The following SUSD1 variants were observed in gnomAD, a reference collection of about 807,000 sequenced individuals.
The protein encoded by SUSD1 is sushi domain containing 1.
SUSD1 carries 65 observed loss-of-function variants against 86.9 expected under a neutral mutation model. The observed-to-expected ratio is 0.75, with a 90% CI of 0.61 to 0.92. The LOEUF is 0.92. Among genes scored for constraint, SUSD1 ranks in the 40% least tolerant of loss-of-function variants. SUSD1 has a pLI of 0.00. For synonymous variants in SUSD1, 346 were observed against 350.0 expected, an observed-to-expected ratio of 0.99 and a Z score of 0.13; for missense variants, 850 against 929.7, an observed-to-expected ratio of 0.91 and a Z score of 1.11.
rs1029468846 is a variant in SUSD1 at position 112,152,357 on chromosome 9, A to AT, written c.218-2959dup. 1.7e-4 allele frequency among the ~76,000 whole-genome samples: 25 copies of AT among 151,306 alleles called. No homozygotes were observed. The East Asian group carries it at 2.1e-3, about 13-fold the overall frequency. On this transcript the variant is annotated intron_variant, in intron 2 of 16. Transcript: ENST00000374270. ...AACACATTCTACAGCTGTACGAAGA[A>AT]TTTTTTTTTGTTTCTTTATATGAAA... is the stretch of plus-strand genomic sequence containing the variant.
At chr9:112,150,179 C>T (rs1268411289) in intron 2 of SUSD1, among the ~76,000 whole-genome samples, 1 of 152,190 alleles carries the variant, frequency 6.6e-6, no homozygotes, top group African/African-American at 2.4e-5. Flanking sequence ...GGTAAACTAC[C>T]AAGCAATGCT....
chr9:112,105,164 G>C (rs544256691), intron 8 of SUSD1, among the ~76,000 whole-genome samples: 7 of 152,212 alleles, frequency 4.6e-5, no homozygotes, highest in African/African-American at 1.4e-4. Flanking sequence ...AAATGGTAAA[G>C]ATAGGAAATG....
rs758842887 is a variant in SUSD1 at position 112,112,774 on chromosome 9, A to C, written c.981T>G (p.Tyr327Ter). The change falls in exon 7 of 17, where the codon TAT becomes TAG. Residue 327 changes from tyrosine to a stop codon, truncating the protein, a stop_gained. Transcript: ENST00000374270. LOFTEE classifies it high-confidence loss of function. ...AAAAGTAGATCACTTTACTTACCACATATGAGATCTTGGGGTTTATTCTTC... is the reference window on the plus strand; with the variant it reads ...AAAAGTAGATCACTTTACTTACCACCTATGAGATCTTGGGGTTTATTCTTC... ...NSRRINPKIS[Y>*]VISIKGQRLD... is the part of the protein sequence containing the mutation. 3.7e-6 allele frequency: 6 copies of C among 1,607,758 alleles called. No homozygotes were observed. The African/African-American group carries it at 8.0e-5, about 21-fold the overall frequency.
intron 10 of SUSD1, among the ~76,000 whole-genome samples, chr9:112,097,348 C>T (rs969353160): frequency 6.6e-6 from 1 of 151,426 alleles, no homozygotes; most frequent in Non-Finnish European, 1.5e-5. Flanking sequence ...TAATTTTCAG[C>T]CTCAGGTGCT....
intron 8 of SUSD1, among the ~76,000 whole-genome samples, chr9:112,108,107 A>G (rs1275809274): frequency 6.6e-6 from 1 of 152,244 alleles, no homozygotes; most frequent in Non-Finnish European, 1.5e-5. Flanking sequence ...CTACCACTGT[A>G]TACAATGCTT....
rs201142582 is a variant in SUSD1 at position 112,111,706 on chromosome 9, G to A, written c.1119C>T (p.Ser373=). ...GCATCGAGCGCCTGGGAGGTGCTGT[G>A]GAGATGTTCACGGTGTAGTTGGTGC... is the stretch of plus-strand genomic sequence containing the variant. ...YPGTNYTVNI[S]TAPPRRSMPA... The change falls in exon 8 of 17, where the codon TCC becomes TCT. Residue 373 remains serine, a synonymous_variant. Transcript: ENST00000374270. 204 of 1,614,162 alleles carry A rather than the reference G, an allele frequency of 1.3e-4. No individual in the cohort carries two copies. In the Admixed American group the frequency reaches 1.3e-3, roughly 10 times the overall value.
At chr9:112,130,378 T>C (rs1388098716) in intron 5 of SUSD1, among the ~76,000 whole-genome samples, 2 of 98,214 alleles carry the variant, frequency 2.0e-5, no homozygotes, top group Admixed American at 1.3e-4. Flanking sequence ...ATCTCAAAAA[T>C]AAAAGAAGGG....
intron 10 of SUSD1, among the ~76,000 whole-genome samples, chr9:112,081,387 C>T (rs1283303260): frequency 6.6e-6 from 1 of 152,196 alleles, no homozygotes; most frequent in African/African-American, 2.4e-5. Flanking sequence ...AAGTCACAAG[C>T]TGTACCTCAA....
intron 2 of SUSD1, among the ~76,000 whole-genome samples, chr9:112,155,431 A>C (rs1198715682): frequency 6.6e-6 from 1 of 152,164 alleles, no homozygotes; most frequent in Non-Finnish European, 1.5e-5. Flanking sequence ...CTCAGACTGC[A>C]GGGTAGCCAA....
At chr9:112,146,427 GAGA>G in intron 3 of SUSD1, among the ~76,000 whole-genome samples, 1 of 152,250 alleles carries the variant, frequency 6.6e-6, no homozygotes, top group Middle Eastern at 3.4e-3. Context: ...TTTTACAAAA[GAGA>G]AGGTCATTCA....
intron 9 of SUSD1, among the ~76,000 whole-genome samples, chr9:112,100,067 T>A (rs1830564181): frequency 6.6e-6 from 1 of 152,260 alleles, no homozygotes; most frequent in Non-Finnish European, 1.5e-5. Flanking sequence ...AGGCATAATG[T>A]GTTCATGCGT....
At chr9:112,138,605 C>T (rs758168399) in intron 5 of SUSD1, among the ~76,000 whole-genome samples, 14 of 151,658 alleles carry the variant, frequency 9.2e-5, no homozygotes, top group Admixed American at 3.3e-4. Flanking sequence ...CACGCCACCA[C>T]GCCCAGGTAA....
At chr9:112,084,570 T>C (rs553389362) in intron 10 of SUSD1, among the ~76,000 whole-genome samples, 1 of 152,266 alleles carries the variant, frequency 6.6e-6, no homozygotes, top group Admixed American at 6.5e-5. Context: ...GGGAGTGACA[T>C]TCTCACTCTA....
rs765467013 is a variant in SUSD1, at chr9:112,175,229, G to A, written c.7C>T (p.Arg3Trp). The A allele has an allele frequency of 1.7e-5, 19 of 1,135,286 alleles. No homozygotes were observed. The African/African-American group carries it at 2.5e-4, about 15-fold the overall frequency. 70.3% of individuals were successfully genotyped at this position (1,135,286 alleles called of 1,614,324 possible). A position where few individuals can be genotyped will look rare whatever the true frequency, so the allele number is the denominator to read the frequency against. The change falls in exon 1 of 17, where the codon CGG (arginine) becomes TGG (tryptophan). Residue 3 changes from arginine (R) to tryptophan (W), a missense_variant. Physicochemically the swap from Arg to Trp is moderately radical, Grantham distance 101. Coordinates refer to ENST00000374270, the MANE Select transcript of SUSD1 (RefSeq NM_022486.5). This position sits in a 1 kb window ranked among gnomAD's most constrained non-coding sequence, Gnocchi z 4.7. ...GACGGGCCCGCATCCCAGGGCCCCC[G>A]GCCCATGCCGCCGCCGGTCCCTCCC... is the stretch of plus-strand genomic sequence containing the variant. MG[R>W]GPWDAGPSRR...
intron 1 of SUSD1, among the ~76,000 whole-genome samples, chr9:112,174,367 T>C (rs1053194876): frequency 6.6e-6 from 1 of 152,208 alleles, no homozygotes. Flanking sequence ...TTCTGCCTTG[T>C]ATTACAGTTA....
chr9:112,064,677 A>G (rs1828894751), intron 12 of SUSD1, among the ~76,000 whole-genome samples: 2 of 152,094 alleles, frequency 1.3e-5, no homozygotes, highest in South Asian at 4.2e-4. Context: ...GGAGTTTGAG[A>G]CCAGCCTGGC....
chr9:112,110,539 A>G (rs532952875), intron 8 of SUSD1, among the ~76,000 whole-genome samples: 98 of 150,742 alleles, frequency 6.5e-4, no homozygotes, highest in African/African-American at 2.3e-3. Context: ...GGCATGCACC[A>G]TCACACCAAG....
chr9:112,154,309 CA>C (rs2131808774), intron 2 of SUSD1, among the ~76,000 whole-genome samples: 2 of 131,084 alleles, frequency 1.5e-5, no homozygotes, highest in South Asian at 4.9e-4. Flanking sequence ...GGCCACATGG[CA>C]AAACCCCACC....
intron 13 of SUSD1, among the ~76,000 whole-genome samples, chr9:112,061,009 C>G (rs1480097261): frequency 6.6e-6 from 1 of 152,168 alleles, no homozygotes; most frequent in Non-Finnish European, 1.5e-5. Context: ...GATTATTATA[C>G]AAATTCCCCG....
Sources: allele counts gnomAD v4.1 joint callset (sites outside exome capture counted in the v4.1 genomes callset), GRCh38; gene constraint gnomAD v4.1.1; non-coding constraint Gnocchi (gnomAD v3.1); transcripts MANE v1.5; gene names NCBI Gene and HGNC (gene_info 2026-07-23, HGNC 2026-07-21).